Variants in CADM2 observed in about 807,000 individuals in gnomAD.
The protein encoded by CADM2 is immunoglobulin superfamily member 4D.
CADM2 carries 12 observed loss-of-function variants against 49.8 expected under a neutral mutation model. The observed-to-expected ratio is 0.24, with a 90% CI of 0.15 to 0.39. The LOEUF is 0.39. CADM2 is among the 10% of genes least tolerant of loss of function. CADM2 has a pLI of 1.00. For missense variants in CADM2, 378 were observed against 492.3 expected, an observed-to-expected ratio of 0.77 and a Z score of 2.20; for synonymous variants, 214 against 175.4, an observed-to-expected ratio of 1.22 and a Z score of -1.74.
At chr3:85,587,918 G>T (rs1047689947) in intron 1 of CADM2, among the ~76,000 whole-genome samples, 1 of 151,770 alleles carries the variant, frequency 6.6e-6, no homozygotes, top group Non-Finnish European at 1.5e-5. Flanking sequence ...CTAGGTTTTT[G>T]GTGGTTTTTG....
At chr3:85,125,931 T>C (rs553621490) in intron 1 of CADM2, among the ~76,000 whole-genome samples, 1 of 152,254 alleles carries the variant, frequency 6.6e-6, no homozygotes, top group Non-Finnish European at 1.5e-5. Context: ...TCATTCTTTT[T>C]GTTTTGAGAT....
chr3:85,896,884 A>G (rs1163253903), intron 5 of CADM2, among the ~76,000 whole-genome samples: 2 of 152,286 alleles, frequency 1.3e-5, no homozygotes, highest in East Asian at 3.9e-4. Context: ...GATTAGAATC[A>G]CCTCAGGTGG....
intron 7 of CADM2, among the ~76,000 whole-genome samples, chr3:85,949,288 A>G (rs1723108129): frequency 6.6e-6 from 1 of 151,462 alleles, no homozygotes; most frequent in African/African-American, 2.4e-5. Flanking sequence ...AAAGCAAGCT[A>G]TTATTTCTTG....
chr3:85,913,026 C>T (rs770615616), intron 6 of CADM2, among the ~76,000 whole-genome samples: 9 of 152,082 alleles, frequency 5.9e-5, no homozygotes, highest in Non-Finnish European at 1.3e-4. Flanking sequence ...TCATCATCAT[C>T]ATTATTCACA....
chr3:85,284,006 T>C (rs2043566944), intron 1 of CADM2, among the ~76,000 whole-genome samples: 1 of 152,166 alleles, frequency 6.6e-6, no homozygotes, highest in Non-Finnish European at 1.5e-5. Flanking sequence ...AAGTGGATAC[T>C]ATAATAATTT....
At chr3:85,734,538 CAT>C (rs144007432) in intron 2 of CADM2, among the ~76,000 whole-genome samples, 4 of 149,192 alleles carry the variant, frequency 2.7e-5, no homozygotes, top group Non-Finnish European at 5.9e-5. Flanking sequence ...CACACACATA[CAT>C]ATATATATAC....
chr3:85,809,766 CT>C (rs1416366945), intron 3 of CADM2, among the ~76,000 whole-genome samples: 1 of 47,334 alleles, frequency 2.1e-5, no homozygotes, highest in Non-Finnish European at 3.8e-5. Context: ...CTCCCTCCCT[CT>C]CTCTCTCTCT....
chr3:85,715,574 T>C (rs55674729), intron 1 of CADM2, among the ~76,000 whole-genome samples: 11,718 of 152,172 alleles, frequency 0.077, 775 homozygotes, highest in East Asian at 0.2. Context: ...GTTACATAGA[T>C]ATTCATGTGC....
At chr3:85,791,475 C>G (rs749162351) in intron 2 of CADM2, among the ~76,000 whole-genome samples, 1 of 148,328 alleles carries the variant, frequency 6.7e-6, no homozygotes. Context: ...TGTATAAATA[C>G]CCCTTACCAG....
intron 1 of CADM2, among the ~76,000 whole-genome samples, chr3:85,363,439 A>T (rs2032500252): frequency 6.6e-6 from 1 of 152,134 alleles, no homozygotes; most frequent in Non-Finnish European, 1.5e-5. Context: ...CTGAGCTAAA[A>T]TTAAAACCCC....
chr3:85,615,086 A>G (rs1243178092), intron 1 of CADM2, among the ~76,000 whole-genome samples: 1 of 151,916 alleles, frequency 6.6e-6, no homozygotes, highest in Non-Finnish European at 1.5e-5. Flanking sequence ...ACCTGTTAGT[A>G]TGTGAGCTTT....
rs182590724 is a variant in CADM2 at position 85,599,869 on chromosome 3, T to C, written c.62-126653T>C. Reference sequence around the variant, plus strand: ...AGTCTAATGCACAGAAAGAATTAGCTAAATTTAAAAATTTATTTTTAACCT... The same window carrying C: ...AGTCTAATGCACAGAAAGAATTAGCCAAATTTAAAAATTTATTTTTAACCT... On this transcript the variant is annotated intron_variant, in intron 1 of 9. Transcript: ENST00000383699. Among the ~76,000 whole-genome samples the C allele has an allele frequency of 2.1e-3, 316 of 150,844 alleles. 2 individuals are homozygous for C. The highest frequency in any genetic ancestry group is 7.4e-3 in the African/African-American group (304 of 41,248).
chr3:85,302,889 C>A (rs565495214), intron 1 of CADM2, among the ~76,000 whole-genome samples: 67 of 151,906 alleles, frequency 4.4e-4, no homozygotes, highest in African/African-American at 1.5e-3. Context: ...ATTTAATAAC[C>A]AGACAGCATT....
At chr3:85,041,278 A>C (rs144045508) in intron 1 of CADM2, among the ~76,000 whole-genome samples, 1 of 152,140 alleles carries the variant, frequency 6.6e-6, no homozygotes, top group African/African-American at 2.4e-5. Context: ...TTAATCTCTA[A>C]ATTTTTATCA....
At chr3:85,751,141 G>C (rs534191926) in intron 2 of CADM2, among the ~76,000 whole-genome samples, 97 of 152,156 alleles carry the variant, frequency 6.4e-4, no homozygotes, top group African/African-American at 2.1e-3. Context: ...GAGAGGTGAG[G>C]CAAAAACTGG....
At chr3:85,779,622 C>A (rs543410030) in intron 2 of CADM2, among the ~76,000 whole-genome samples, 7 of 152,096 alleles carry the variant, frequency 4.6e-5, no homozygotes, top group Non-Finnish European at 8.8e-5. Flanking sequence ...GGTAACCAAC[C>A]CCATGATTAA....
At chr3:85,701,999 GATAGA>G (rs2066787992) in intron 1 of CADM2, among the ~76,000 whole-genome samples, 1 of 146,092 alleles carries the variant, frequency 6.8e-6, no homozygotes, top group African/African-American at 2.8e-5. Context: ...TAGATAGATA[GATAGA>G]TAGATAGATA....
intron 1 of CADM2, among the ~76,000 whole-genome samples, chr3:85,551,190 C>T (rs759646346): frequency 2.0e-5 from 3 of 152,090 alleles, no homozygotes; most frequent in Non-Finnish European, 2.9e-5. Flanking sequence ...CTATGTTGCC[C>T]AGGCTGGTCT....
intron 1 of CADM2, among the ~76,000 whole-genome samples, chr3:85,437,359 G>C (rs887528201): frequency 2.6e-5 from 4 of 152,096 alleles, no homozygotes; most frequent in African/African-American, 9.7e-5. Context: ...ACTCCTTTGG[G>C]TAAATGCCAA....
Sources: gnomAD v4.1 joint callset for allele counts (sites outside exome capture counted in the v4.1 genomes callset) on GRCh38, gnomAD v4.1.1 for gene constraint, MANE v1.5 for transcripts, NCBI Gene and HGNC (gene_info 2026-07-23, HGNC 2026-07-21) for gene names.